The following FRK variants were observed in gnomAD, a reference collection of about 807,000 sequenced individuals.
The protein encoded by FRK is fyn related Src family tyrosine kinase, also known as tyrosine-protein kinase FRK.
In FRK, 51 loss-of-function variants were observed where a neutral mutation model predicts 56.4. The observed-to-expected ratio is 0.90, with a 90% CI of 0.72 to 1.14. The LOEUF (loss-of-function observed/expected upper bound fraction) is 1.14. Among genes scored for constraint, FRK ranks in the 50% most tolerant of loss-of-function variants. FRK has a pLI of 0.00. For missense variants in FRK, 570 were observed against 601.4 expected (o/e 0.95, Z 0.55); for synonymous variants, 245 against 217.9 (o/e 1.12, Z -1.10).
At chr6:116,026,683 A>G (rs1776107185) in intron 1 of FRK, among the ~76,000 whole-genome samples, 1 of 152,068 alleles carries the variant, frequency 6.6e-6, no homozygotes, top group South Asian at 2.1e-4. Context: ...TCAAGGAGCC[A>G]AATTCTTTGG....
intron 1 of FRK, among the ~76,000 whole-genome samples, chr6:116,037,742 T>C (rs1055345632): frequency 3.3e-5 from 5 of 152,232 alleles, no homozygotes; most frequent in Non-Finnish European, 7.3e-5. Context: ...TTAATAAACA[T>C]CTTCTTTTCT....
chr6:115,987,264 T>C (rs1774430831), intron 2 of FRK, among the ~76,000 whole-genome samples: 2 of 151,760 alleles, frequency 1.3e-5, no homozygotes, highest in Admixed American at 6.6e-5. Context: ...TCCATTTTAC[T>C]GAAAAGGAAG....
chr6:115,968,630 G>C lies in FRK; in HGVS notation c.576C>G (p.His192Gln). The change falls in exon 3 of 8, where the codon CAC (histidine) becomes CAG (glutamine). Residue 192 changes from histidine (H) to glutamine (Q), a missense_variant. By Grantham distance (24) the His-to-Gln change is conservative. Coordinates refer to ENST00000606080, the MANE Select transcript of FRK (RefSeq NM_002031.3). ...IFSTLNEFVS[H>Q]YTKTSDGLCV... Reference sequence around the variant, plus strand: ...ACAGGCCGTCACTTGTCTTGGTGTAGTGGCTCACAAATTCGTTCAGTGTTG... The same window carrying C: ...ACAGGCCGTCACTTGTCTTGGTGTACTGGCTCACAAATTCGTTCAGTGTTG... 6.2e-7 allele frequency: 1 copy of C among 1,613,896 alleles called. No individual in the cohort carries two copies. Among genetic ancestry groups the C allele is most frequent in the Admixed American group, 1.7e-5 (1 of 59,992 alleles).
chr6:116,050,532 C>T (rs1009059551), intron 1 of FRK, among the ~76,000 whole-genome samples: 2 of 152,146 alleles, frequency 1.3e-5, no homozygotes, highest in Non-Finnish European at 2.9e-5. Flanking sequence ...CTGTCTAACA[C>T]CCTCTTACTG....
At chr6:116,035,335 A>T (rs1312722080) in intron 1 of FRK, among the ~76,000 whole-genome samples, 1 of 152,074 alleles carries the variant, frequency 6.6e-6, no homozygotes, top group Non-Finnish European at 1.5e-5. Context: ...AGAGGTCAAA[A>T]ATTGTTCTAA....
intron 1 of FRK, among the ~76,000 whole-genome samples, chr6:116,046,689 G>A (rs1222821003): frequency 6.6e-6 from 1 of 152,036 alleles, no homozygotes; most frequent in Non-Finnish European, 1.5e-5. Flanking sequence ...TAGGTGATGG[G>A]TTAATGGGTG....
intron 1 of FRK, among the ~76,000 whole-genome samples, chr6:116,028,486 G>A (rs1460500072): frequency 6.6e-6 from 1 of 152,118 alleles, no homozygotes; most frequent in African/African-American, 2.4e-5. Flanking sequence ...CAGCTCTCAA[G>A]GTTACAAGTC....
At chr6:116,035,825 G>A (rs1340044343) in intron 1 of FRK, among the ~76,000 whole-genome samples, 2 of 151,976 alleles carry the variant, frequency 1.3e-5, no homozygotes, top group Non-Finnish European at 2.9e-5. Flanking sequence ...ATAGCGAGCA[G>A]GTGAATATCT....
At chr6:115,995,724 T>C (rs1243024987) in intron 2 of FRK, among the ~76,000 whole-genome samples, 2 of 152,184 alleles carry the variant, frequency 1.3e-5, no homozygotes, top group Non-Finnish European at 2.9e-5. Flanking sequence ...TCTTTGCCTG[T>C]GCATCTGCAT....
the FRK span, among the ~76,000 whole-genome samples, chr6:116,084,192 C>T: frequency 5.9e-5 from 9 of 152,118 alleles, no homozygotes; most frequent in Non-Finnish European, 1.0e-4. Flanking sequence ...GGATCAGTTG[C>T]TCAAGTGTGA....
rs151309696 is a variant in FRK, at chr6:116,003,887, G to C, written c.456C>G (p.Phe152Leu). 1.1e-5 allele frequency: 18 copies of C among 1,613,392 alleles called. No individual in the cohort carries two copies. In the African/African-American group the frequency reaches 2.4e-4, roughly 22 times the overall value. Reference protein sequence around the residue: ...IRESESQKGEFSLSVLDGAVV... With the variant: ...IRESESQKGELSLSVLDGAVV... Reference sequence around the variant, plus strand: ...AAACAATACCCTTACCTGAAAGAGAGAATTCTCCTTTTTGGCTTTCACTTT... The same window carrying C: ...AAACAATACCCTTACCTGAAAGAGACAATTCTCCTTTTTGGCTTTCACTTT... Residue 152 changes from phenylalanine to leucine, a missense_variant, in exon 2 of 8, where the codon TTC (phenylalanine) becomes TTG (leucine). By Grantham distance (22) the Phe-to-Leu change is conservative. Transcript: ENST00000606080.
intron 1 of FRK, among the ~76,000 whole-genome samples, chr6:116,005,580 A>T (rs1268611491): frequency 2.6e-5 from 4 of 152,242 alleles, no homozygotes; most frequent in Admixed American, 1.3e-4. Context: ...GGTAGACTAC[A>T]CTAATGACTG....
chr6:115,949,017 T>A (rs1234242266), intron 5 of FRK, among the ~76,000 whole-genome samples: 1 of 152,214 alleles, frequency 6.6e-6, no homozygotes. Flanking sequence ...GTAAGTTGTA[T>A]TCCTAGGTAT....
intron 1 of FRK, among the ~76,000 whole-genome samples, chr6:116,047,827 T>C (rs1777035184): frequency 6.6e-6 from 1 of 152,232 alleles, no homozygotes; most frequent in South Asian, 2.1e-4. Context: ...AAAACTCCAA[T>C]GTGCAAGTGC....
chr6:115,987,676 T>C (rs1375260933), intron 2 of FRK, among the ~76,000 whole-genome samples: 2 of 152,110 alleles, frequency 1.3e-5, no homozygotes, highest in Admixed American at 1.3e-4. Context: ...TTAGAACATA[T>C]GCTTCACAAT....
At chr6:116,062,018 GAAAGAAAAGA>G (rs138011154), upstream of FRK, among the ~76,000 whole-genome samples, 4 of 151,046 alleles carry the variant, frequency 2.6e-5, no homozygotes, top group East Asian at 1.9e-4. Flanking sequence ...AAGAAAGAAA[GAAAGAAAAGA>G]AAAGAAAAGA....
chr6:116,017,229 C>T (rs1775690716), intron 1 of FRK, among the ~76,000 whole-genome samples: 1 of 152,122 alleles, frequency 6.6e-6, no homozygotes, highest in Admixed American at 6.6e-5. Flanking sequence ...TCTCCTTACA[C>T]GTTTTAAGTT....
chr6:116,094,343 C>T, the FRK span, among the ~76,000 whole-genome samples: 1 of 152,168 alleles, frequency 6.6e-6, no homozygotes, highest in South Asian at 2.1e-4. Context: ...CCATTAAGGG[C>T]CAGAAAATTG....
the FRK span, among the ~76,000 whole-genome samples, chr6:116,098,303 G>A: frequency 8.5e-4 from 129 of 151,860 alleles, no homozygotes; most frequent in Non-Finnish European, 1.5e-3. Context: ...CTAGAGATGG[G>A]TCTCGCTATG....
Sources: gnomAD v4.1 joint callset for allele counts (sites outside exome capture counted in the v4.1 genomes callset) on GRCh38, gnomAD v4.1.1 for gene constraint, MANE v1.5 for transcripts, NCBI Gene and HGNC (gene_info 2026-07-23, HGNC 2026-07-21) for gene names.